The following EZR variants were observed in gnomAD, a reference collection of about 807,000 sequenced individuals.
EZR encodes ezrin.
A neutral mutation model predicts 74.8 loss-of-function variants in EZR; 40 were observed. The ratio of observed to expected loss-of-function variants is 0.53; its 90% confidence interval spans 0.42 to 0.70. EZR has a LOEUF of 0.70. EZR is among the 30% of genes least tolerant of loss of function. The probability of loss-of-function intolerance (pLI) is 0.00; values close to 1 mark genes in which losing one functional copy is unlikely to be tolerated. For missense variants in EZR, 678 were observed against 755.8 expected, an observed-to-expected ratio of 0.90 and a Z score of 1.21; for synonymous variants, 341 against 283.3, an observed-to-expected ratio of 1.20 and a Z score of -2.05.
rs542807711 is a variant in EZR, at chr6:158,798,225, G to A, written c.13-8854C>T. On this transcript the variant is annotated intron_variant, in intron 2 of 13. Transcript: ENST00000367075. The stretch of plus-strand genomic sequence containing the variant: ...GCTGTCACTTCTGTCTACCCATTCA[G>A]GTGATGGACATTTAACTTGCTCCTT... Among the ~76,000 whole-genome samples the A allele has an allele frequency of 4.7e-5, 7 of 149,746 alleles. No homozygotes were observed. In the South Asian group the frequency reaches 1.5e-3, roughly 32 times the overall value.
At chr6:158,780,540 A>G (rs1305806153) in intron 7 of EZR, among the ~76,000 whole-genome samples, 1 of 152,096 alleles carries the variant, frequency 6.6e-6, no homozygotes, top group East Asian at 1.9e-4. Context: ...TAAAGAAGAG[A>G]CATGTTCTGT....
At chr6:158,781,761 C>T (rs1021785938) in intron 7 of EZR, among the ~76,000 whole-genome samples, 3 of 151,960 alleles carry the variant, frequency 2.0e-5, no homozygotes, top group Non-Finnish European at 4.4e-5. Flanking sequence ...CCACTTTCCC[C>T]ACTTCTTTAA....
chr6:158,818,507 G>C, intron 1 of EZR, among the ~76,000 whole-genome samples: 1 of 151,036 alleles, frequency 6.6e-6, no homozygotes, highest in South Asian at 2.1e-4. Flanking sequence ...GCGCAGGCCC[G>C]GGAGAGAGAG....
chr6:158,774,672 A>AACACACACACACACACACACACACACAC (rs56400693), intron 8 of EZR, among the ~76,000 whole-genome samples: 1 of 142,396 alleles, frequency 7.0e-6, no homozygotes, highest in Non-Finnish European at 1.5e-5. Context: ...CTTATCATCA[A>AACACACACACACACACACACACACACAC]ACACACACAC....
chr6:158,805,544 C>G (rs956580125), intron 2 of EZR, among the ~76,000 whole-genome samples: 1 of 151,968 alleles, frequency 6.6e-6, no homozygotes, highest in East Asian at 1.9e-4. Context: ...TTGAACTCAC[C>G]CCAGTCTTTA....
At position 158,774,012 on chromosome 6, in the gene EZR, G is replaced by A. The variant is rs541290391; in HGVS notation, c.795+2396C>T. Among the ~76,000 whole-genome samples the A allele has an allele frequency of 1.2e-3, 182 of 152,324 alleles. No homozygotes were observed. In the South Asian group the frequency reaches 0.016, roughly 14 times the overall value. On this transcript the variant is annotated intron_variant, in intron 8 of 13. Coordinates refer to ENST00000367075, the MANE Select transcript of EZR (RefSeq NM_001111077.2). ...AGAAGCTGGCTTTTAAAAAGGAGAC[G>A]CCAGTTGTTGGGTGAGAACTGGACA...
intron 1 of EZR, 142 bp from the exon 2 acceptor site, chr6:158,818,308 T>G: frequency 3.2e-6 from 1 of 309,126 alleles, no homozygotes. Flanking sequence ...CGCCCAGCAC[T>G]GCGGGCATGG....
chr6:158,813,822 G>A (rs1459984014), intron 2 of EZR, among the ~76,000 whole-genome samples: 1 of 152,200 alleles, frequency 6.6e-6, no homozygotes, highest in Non-Finnish European at 1.5e-5. Context: ...ATGTGTTGGA[G>A]CCACTTAAAG....
intron 2 of EZR, 104 bp from the exon 3 acceptor site, chr6:158,789,475 A>G (rs750812884): frequency 1.0e-6 from 1 of 983,154 alleles, no homozygotes; most frequent in Non-Finnish European, 1.6e-6. Flanking sequence ...GCGACGGCAT[A>G]TGCCTGACAT....
intron 2 of EZR, among the ~76,000 whole-genome samples, chr6:158,793,838 C>T (rs552750087): frequency 1.3e-5 from 2 of 152,318 alleles, no homozygotes; most frequent in South Asian, 2.1e-4. Flanking sequence ...TTTAGAAAGG[C>T]CAATTATTTT....
At position 158,769,338 on chromosome 6, in the gene EZR, C is replaced by G. The variant is rs749920123; in HGVS notation, c.1332G>C (p.Glu444Asp). Residue 444 changes from glutamate to aspartate, a missense_variant, in exon 12 of 14, where the codon GAG becomes GAC. This residue lies in a region of EZR where 342 missense variants were observed against 341.2 expected (regional missense o/e 1.00). Coordinates refer to ENST00000367075, the MANE Select transcript of EZR (RefSeq NM_001111077.2). ...ARRRKEDEVEEWQHRAKEAQD... is the reference protein window; with the variant it reads ...ARRRKEDEVEDWQHRAKEAQD... ...CGTGCAGACTCACCCTGTGCTGCCA[C>G]TCTTCAACTTCATCCTCCTTGCGCC... 6.2e-7 allele frequency: 1 copy of G among 1,609,828 alleles called. No homozygotes were observed. The highest frequency in any genetic ancestry group is 8.5e-7 in the Non-Finnish European group (1 of 1,180,012).
chr6:158,768,465 G>A (rs1240078950), intron 12 of EZR, among the ~76,000 whole-genome samples: 1 of 152,170 alleles, frequency 6.6e-6, no homozygotes, highest in Non-Finnish European at 1.5e-5. Context: ...CTAGGCAGCA[G>A]CAGCCCTGGA....
chr6:158,805,662 A>G (rs1057197056), intron 2 of EZR, among the ~76,000 whole-genome samples: 1 of 152,192 alleles, frequency 6.6e-6, no homozygotes, highest in Non-Finnish European at 1.5e-5. Flanking sequence ...ACCCTGCCAA[A>G]ACTTTTAAAA....
rs1197449939 is a variant in EZR, at chr6:158,766,146, C to CTT, written c.*766_*767dup. The CTT allele has an allele frequency of 2.2e-4, 34 of 152,676 alleles. No homozygotes were observed. Among genetic ancestry groups the CTT allele is most frequent in the Admixed American group, 7.2e-4 (11 of 15,276 alleles). The allele number at this position is 152,676 out of a possible 1,614,324, so 9.5% of individuals were successfully genotyped here. On this transcript the variant is annotated 3_prime_UTR_variant, in exon 14 of 14. Transcript: ENST00000367075. ...TTTAGAGGGTTTTTCATATGTAATT[C>CTT]TTTTATTCTGTAAAAGGTAACAAAA...
In EZR at chr6:158,766,156, G is replaced by A. The variant is rs772744129; in HGVS notation, c.*758C>T. ...TTTTCATATGTAATTCTTTTATTCT[G>A]TAAAAGGTAACAAAATATACAGAAC... On this transcript the variant is annotated 3_prime_UTR_variant, in exon 14 of 14. Coordinates refer to ENST00000367075, the MANE Select transcript of EZR (RefSeq NM_001111077.2). 1 of 152,508 alleles carries A rather than the reference G, an allele frequency of 6.6e-6. No homozygotes were observed. Among genetic ancestry groups the A allele is most frequent in the Non-Finnish European group, 1.5e-5 (1 of 68,014 alleles). 9.4% of individuals were successfully genotyped at this position (152,508 alleles called of 1,614,324 possible). A position where few individuals can be genotyped will look rare whatever the true frequency, so the allele number is the denominator to read the frequency against.
chr6:158,770,681 GT>G, intron 10 of EZR, 82 bp downstream of exon 10: 1 of 1,526,966 alleles, frequency 6.5e-7, no homozygotes. Context: ...TTCCTTCCTG[GT>G]GAGTGGGTGG....
intron 7 of EZR, among the ~76,000 whole-genome samples, chr6:158,779,754 G>A (rs916327368): frequency 6.6e-6 from 1 of 151,984 alleles, no homozygotes; most frequent in South Asian, 2.1e-4. Context: ...TGGTGGAGAC[G>A]GGGTTTTGCC....
intron 2 of EZR, among the ~76,000 whole-genome samples, chr6:158,808,788 A>G (rs1410448644): frequency 6.6e-6 from 1 of 152,212 alleles, no homozygotes; most frequent in Non-Finnish European, 1.5e-5. Context: ...CTGCCAATAA[A>G]CAAGAATTTA....
intron 5 of EZR, 80 bp from the exon 6 acceptor site, chr6:158,784,807 T>C: frequency 8.7e-7 from 1 of 1,143,954 alleles, no homozygotes. Context: ...CCACCCACAT[T>C]CAAACCCTTA....
Sources: gnomAD v4.1 joint callset for allele counts (sites outside exome capture counted in the v4.1 genomes callset) on GRCh38, gnomAD v4.1.1 for gene constraint, gnomAD v4.1.1 regional missense constraint, MANE v1.5 for transcripts, NCBI Gene and HGNC (gene_info 2026-07-23, HGNC 2026-07-21) for gene names.